CYP46A1: variants seen among roughly 807,000 people sequenced by gnomAD.
CYP46A1 encodes cholesterol 24-hydroxylase.
A neutral mutation model predicts 63.3 loss-of-function variants in CYP46A1; 20 were observed. The observed-to-expected ratio is 0.32, with a 90% CI of 0.22 to 0.46. The LOEUF is 0.46. Ranked by LOEUF, CYP46A1 falls within the 20% of genes least tolerant of loss-of-function variation. The pLI is 1.00. For synonymous variants in CYP46A1, 268 were observed against 273.6 expected, an observed-to-expected ratio of 0.98 and a Z score of 0.20; for missense variants, 445 against 670.8, an observed-to-expected ratio of 0.66 and a Z score of 3.72.
chr14:99,726,177 T>C lies in CYP46A1; in HGVS notation c.1266-13T>C. On this transcript the variant is annotated splice_polypyrimidine_tract_variant and intron_variant, in intron 13 of 14. Coordinates refer to ENST00000261835, the MANE Select transcript of CYP46A1 (RefSeq NM_006668.2). ...GGGGCTGCTGGCCTCGTGATTCCTC[T>C]CTTTCCCTGCAGGCCACGGTTCACC... The C allele has an allele frequency of 1.9e-6, 3 of 1,613,436 alleles. No homozygotes were observed. Among genetic ancestry groups the C allele is most frequent in the South Asian group, 2.2e-5 (2 of 91,048 alleles).
rs1315049284 is a variant in CYP46A1, at chr14:99,726,187, C to T, written c.1266-3C>T. On this transcript the variant is annotated splice_polypyrimidine_tract_variant and splice_region_variant and intron_variant, in intron 13 of 14. Transcript: ENST00000261835. The stretch of plus-strand genomic sequence containing the variant: ...GCCTCGTGATTCCTCTCTTTCCCTG[C>T]AGGCCACGGTTCACCTACTTCCCCT... 2 of 1,613,776 alleles carry T rather than the reference C, an allele frequency of 1.2e-6. No individual in the cohort carries two copies. The highest frequency in any genetic ancestry group is 1.7e-6 in the Non-Finnish European group (2 of 1,179,812).
intron 5 of CYP46A1, chr14:99,706,342 T>C (rs1374533317): frequency 3.7e-6 from 1 of 270,030 alleles, no homozygotes; most frequent in African/African-American, 2.2e-5. Flanking sequence ...GTTTCTACAC[T>C]GTCACGTCCC....
intron 8 of CYP46A1, 75 bp downstream of exon 8, chr14:99,716,035 ACT>A (rs1173530005): frequency 3.8e-5 from 61 of 1,607,866 alleles, no homozygotes; most frequent in Non-Finnish European, 4.9e-5. Context: ...ATCGCCACTG[ACT>A]CTGTTTGGCT....
intron 10 of CYP46A1, among the ~76,000 whole-genome samples, chr14:99,718,868 A>C (rs1471717332): frequency 6.6e-6 from 1 of 152,156 alleles, no homozygotes; most frequent in Non-Finnish European, 1.5e-5. Flanking sequence ...TTTCGTATAA[A>C]AATTTTGGGA....
At chr14:99,718,454 G>C (rs2056813362) in intron 10 of CYP46A1, among the ~76,000 whole-genome samples, 3 of 152,318 alleles carry the variant, frequency 2.0e-5, no homozygotes, top group Non-Finnish European at 2.9e-5. Flanking sequence ...AGAAGCTCCA[G>C]GAGGGCAGGG....
At chr14:99,705,602 G>A (rs2071184902) in intron 5 of CYP46A1, among the ~76,000 whole-genome samples, 1 of 152,214 alleles carries the variant, frequency 6.6e-6, no homozygotes, top group Admixed American at 6.5e-5. Flanking sequence ...GAATACCCAT[G>A]TACTCTTTAC....
intron 7 of CYP46A1, among the ~76,000 whole-genome samples, chr14:99,714,269 G>C (rs1358556072): frequency 2.0e-5 from 3 of 152,180 alleles, no homozygotes; most frequent in Non-Finnish European, 4.4e-5. Context: ...TGCATTGTTG[G>C]CAGGGATGTA....
intron 5 of CYP46A1, among the ~76,000 whole-genome samples, chr14:99,704,921 G>A (rs2056662672): frequency 6.6e-6 from 1 of 152,174 alleles, no homozygotes; most frequent in Admixed American, 6.5e-5. Flanking sequence ...GGATGTGTGT[G>A]CACCAGCCCC....
rs775348328 is a variant in CYP46A1, at chr14:99,716,149, C to T, written c.857C>T (p.Ala286Val). 4 of 1,614,210 alleles carry T rather than the reference C, an allele frequency of 2.5e-6. No homozygotes were observed. The highest frequency in any genetic ancestry group is 3.4e-6 in the Non-Finnish European group (4 of 1,180,006). Residue 286 changes from alanine (A) to valine (V), a missense_variant, in exon 9 of 15, where the codon GCC becomes GTC. Coordinates refer to ENST00000261835, the MANE Select transcript of CYP46A1 (RefSeq NM_006668.2). ...LTQILKAEEGAQDDEGLLDNF... is the reference protein window; with the variant it reads ...LTQILKAEEGVQDDEGLLDNF... Reference sequence around the variant, plus strand: ...CCTTGTTTTTCAGCTGAAGAGGGAGCCCAGGACGACGAGGGTCTGCTGGAC... The same window carrying T: ...CCTTGTTTTTCAGCTGAAGAGGGAGTCCAGGACGACGAGGGTCTGCTGGAC...
chr14:99,702,069 CAAAA>C (rs71113217), intron 5 of CYP46A1, among the ~76,000 whole-genome samples: 1 of 70,746 alleles, frequency 1.4e-5, no homozygotes, highest in African/African-American at 5.6e-5. Context: ...GACTCCATCT[CAAAA>C]AAAAAAAAAA....
intron 1 of CYP46A1, among the ~76,000 whole-genome samples, chr14:99,690,187 C>G (rs1384399600): frequency 6.6e-6 from 1 of 152,204 alleles, no homozygotes; most frequent in Non-Finnish European, 1.5e-5. Flanking sequence ...CCATTTATGC[C>G]TGAGGTTGCA....
At chr14:99,719,422 A>G (rs1166662831) in intron 10 of CYP46A1, among the ~76,000 whole-genome samples, 2 of 147,246 alleles carry the variant, frequency 1.4e-5, no homozygotes, top group African/African-American at 2.5e-5. Flanking sequence ...GGGTTTTGCC[A>G]TGTTGGCCAG....
chr14:99,726,425 G>A lies in CYP46A1; in HGVS notation c.1333-132G>A, dbSNP rs149970497. 1,686 of 1,175,090 alleles carry A rather than the reference G, an allele frequency of 1.4e-3. 11 individuals are homozygous for A. The African/African-American group carries it at 0.024, about 16-fold the overall frequency. The allele number at this position is 1,175,090 out of a possible 1,614,324, so 72.8% of individuals were successfully genotyped here. On this transcript the variant is annotated intron_variant, in intron 14 of 14. Transcript: ENST00000261835. Reference sequence around the variant, plus strand: ...GGCTGTGTTTTGCACGGAGGAGAGCGCAAAACAGGAGGCTCCCCAGGCTCT... The same window carrying A: ...GGCTGTGTTTTGCACGGAGGAGAGCACAAAACAGGAGGCTCCCCAGGCTCT...
Position 99,722,164 on chromosome 14 carries a change from A to G in CYP46A1, c.1176+98A>G, listed in dbSNP as rs1247869730. On this transcript the variant is annotated intron_variant, in intron 12 of 14. Transcript: ENST00000261835. This position sits in a 1 kb window ranked among gnomAD's most constrained non-coding sequence, Gnocchi z 4.6. ...CAGGGGAGCCTGTGGCCCTGTTCCC[A>G]TCATTGCAACGGGCCTCACTGGCTG... 4 of 853,592 alleles carry G rather than the reference A, an allele frequency of 4.7e-6. No homozygotes were observed. The highest frequency in any genetic ancestry group is 2.2e-5 in the Admixed American group (1 of 46,446). 52.9% of individuals were successfully genotyped at this position (853,592 alleles called of 1,614,324 possible). A position where few individuals can be genotyped will look rare whatever the true frequency, so the allele number is the denominator to read the frequency against.
At position 99,721,999 on chromosome 14, in the gene CYP46A1, C is replaced by A. The variant is rs773452402; in HGVS notation, c.1109C>A (p.Thr370Asn). The change falls in exon 12 of 15, where the codon ACC becomes AAC. Residue 370 changes from threonine (T) to asparagine (N), a missense_variant. Around this residue, in one of 4 missense-constraint regions of CYP46A1, gnomAD observed 95 missense variants for 156.9 expected, o/e 0.61. Transcript: ENST00000261835. ...SLRLYPPAWG[T>N]FRLLEEETLI... ...AGGCTGTACCCACCAGCATGGGGCA[C>A]CTTTCGCCTGCTGGAAGAGGAGACC... 1 of 1,613,696 alleles carries A rather than the reference C, an allele frequency of 6.2e-7. No individual in the cohort carries two copies. Among genetic ancestry groups the A allele is most frequent in the African/African-American group, 1.3e-5 (1 of 74,908 alleles).
At chr14:99,717,804 C>T (rs374028090) in intron 9 of CYP46A1, 1 of 453,570 alleles carries the variant, frequency 2.2e-6, no homozygotes, top group Non-Finnish European at 3.9e-6. Flanking sequence ...GTCCCCCCCA[C>T]TCTCCCTGCT....
chr14:99,717,979 C>A, intron 9 of CYP46A1, 75 bp from the exon 10 acceptor site: 1 of 1,203,248 alleles, frequency 8.3e-7, no homozygotes, highest in Non-Finnish European at 1.2e-6. Context: ...CACTGGCTGG[C>A]ATAGAGGCAG....
chr14:99,700,062 A>T lies in CYP46A1; in HGVS notation c.404A>T (p.His135Leu). ...TCCGAATGCAACTATGAGCGCTGGC[A>T]CAAGCAGCGGAGAGTCATAGACCTG... Reference protein sequence around the residue: ...LVSECNYERWHKQRRVIDLAF... With the variant: ...LVSECNYERWLKQRRVIDLAF... The change falls in exon 5 of 15, where the codon CAC (histidine) becomes CTC (leucine). Residue 135 changes from histidine (H) to leucine (L), a missense_variant. By Grantham distance (99) the His-to-Leu change is moderately conservative. Transcript: ENST00000261835. The T allele has an allele frequency of 6.2e-7, 1 of 1,601,652 alleles. No individual in the cohort carries two copies. Among genetic ancestry groups the T allele is most frequent in the Non-Finnish European group, 8.5e-7 (1 of 1,173,814 alleles).
chr14:99,718,086 A>G lies in CYP46A1; in HGVS notation c.940A>G (p.Thr314Ala), dbSNP rs753035877. Residue 314 changes from threonine to alanine, a missense_variant, in exon 10 of 15, where the codon ACA (threonine) becomes GCA (alanine). Physicochemically the swap from Thr to Ala is moderately conservative, Grantham distance 58. Transcript: ENST00000261835. ...HETSANHLAF[T>A]VMELSRQPEI... ...GACCTCTGCCAACCACTTGGCGTTC[A>G]CAGTGATGGAGCTGTCTCGCCAGCC... 1.2e-6 allele frequency: 2 copies of G among 1,614,006 alleles called. No individual in the cohort carries two copies. Among genetic ancestry groups the G allele is most frequent in the African/African-American group, 2.7e-5 (2 of 74,924 alleles).
Sources: allele counts gnomAD v4.1 joint callset (sites outside exome capture counted in the v4.1 genomes callset), GRCh38; gene constraint gnomAD v4.1.1; regional missense constraint gnomAD v4.1.1; non-coding constraint Gnocchi (gnomAD v3.1); transcripts MANE v1.5; gene names NCBI Gene and HGNC (gene_info 2026-07-23, HGNC 2026-07-21).